The following PTPRG variants were observed in gnomAD, a reference collection of about 807,000 sequenced individuals.
PTPRG encodes protein tyrosine phosphatase receptor type G.
A neutral mutation model predicts 165.3 loss-of-function variants in PTPRG; 102 were observed. The ratio of observed to expected loss-of-function variants is 0.62; its 90% CI spans 0.53 to 0.73. The LOEUF (loss-of-function observed/expected upper bound fraction) is 0.73, where lower values mean the gene tolerates loss of function less well. Among genes scored for constraint, PTPRG ranks in the 30% least tolerant of loss-of-function variants. The pLI, the probability that PTPRG is intolerant of heterozygous loss-of-function variation, is 0.00. For synonymous variants in PTPRG, 675 were observed against 669.5 expected (o/e 1.01, Z -0.13); for missense variants, 1,866 against 1,861.4 (o/e 1.00, Z -0.05).
intron 1 of PTPRG, among the ~76,000 whole-genome samples, chr3:61,680,296 G>C (rs1375303585): frequency 6.6e-6 from 1 of 152,064 alleles, no homozygotes; most frequent in African/African-American, 2.4e-5. Flanking sequence ...GGAAAGTAGA[G>C]TGAGGGAAGC....
At chr3:62,064,676 A>G (rs555987849) in intron 4 of PTPRG, among the ~76,000 whole-genome samples, 47 of 151,330 alleles carry the variant, frequency 3.1e-4, no homozygotes, top group African/African-American at 1.0e-3. Context: ...ACAGGAAATC[A>G]TTAGAAAAAA....
At chr3:62,040,696 C>A (rs998829242) in intron 4 of PTPRG, among the ~76,000 whole-genome samples, 1 of 152,052 alleles carries the variant, frequency 6.6e-6, no homozygotes, top group African/African-American at 2.4e-5. Flanking sequence ...TCCGCCTTGG[C>A]CTTCCAGAGT....
intron 2 of PTPRG, among the ~76,000 whole-genome samples, chr3:61,948,036 A>T (rs895222133): frequency 6.6e-6 from 1 of 151,908 alleles, no homozygotes; most frequent in African/African-American, 2.4e-5. Context: ...CAAGAAGGAA[A>T]CTCTAAGGCC....
At chr3:61,832,349 C>T (rs774166995) in intron 2 of PTPRG, among the ~76,000 whole-genome samples, 1 of 152,122 alleles carries the variant, frequency 6.6e-6, no homozygotes, top group Non-Finnish European at 1.5e-5. Context: ...AAACCCCTTC[C>T]CTGGACTAAG....
chr3:61,924,178 T>C (rs1042258251), intron 2 of PTPRG, among the ~76,000 whole-genome samples: 1 of 152,194 alleles, frequency 6.6e-6, no homozygotes, highest in Non-Finnish European at 1.5e-5. Flanking sequence ...CTCTGTGCCA[T>C]GGCTCCAGTT....
At chr3:61,892,301 A>G (rs2038236698) in intron 2 of PTPRG, among the ~76,000 whole-genome samples, 1 of 152,178 alleles carries the variant, frequency 6.6e-6, no homozygotes, top group Non-Finnish European at 1.5e-5. Flanking sequence ...ATCCTGGCCT[A>G]CTGTAGCCTC....
intron 1 of PTPRG, among the ~76,000 whole-genome samples, chr3:61,659,023 G>C (rs868280739): frequency 1.3e-5 from 2 of 151,056 alleles, no homozygotes; most frequent in South Asian, 2.1e-4. Context: ...AGGAGCATGA[G>C]TTCGGCTGTT....
At chr3:61,800,177 G>A (rs1008181961) in intron 2 of PTPRG, among the ~76,000 whole-genome samples, 1 of 152,180 alleles carries the variant, frequency 6.6e-6, no homozygotes, top group African/African-American at 2.4e-5. Context: ...TGTGGGGTGG[G>A]AGGGTAGGAT....
chr3:61,707,534 C>T (rs1232686094), intron 1 of PTPRG, among the ~76,000 whole-genome samples: 1 of 152,178 alleles, frequency 6.6e-6, no homozygotes, highest in Non-Finnish European at 1.5e-5. Flanking sequence ...GGAGGAATTA[C>T]CTCTTGTTAG....
chr3:62,130,742 A>G (rs1321357854), intron 5 of PTPRG, among the ~76,000 whole-genome samples: 2 of 152,142 alleles, frequency 1.3e-5, no homozygotes, highest in East Asian at 1.9e-4. Context: ...ATTTTGATCA[A>G]TTACTTGCTA....
intron 8 of PTPRG, among the ~76,000 whole-genome samples, chr3:62,189,140 C>T (rs1295641349): frequency 1.3e-5 from 2 of 152,104 alleles, no homozygotes; most frequent in African/African-American, 4.8e-5. Context: ...AGCGTGATGC[C>T]TCCCAGGGGT....
At chr3:61,575,421 T>G (rs1308526191) in intron 1 of PTPRG, among the ~76,000 whole-genome samples, 1 of 152,156 alleles carries the variant, frequency 6.6e-6, no homozygotes, top group African/African-American at 2.4e-5. Flanking sequence ...TGCATTTTTT[T>G]GCAGGTACCA....
chr3:61,844,836 C>T (rs957281733), intron 2 of PTPRG, among the ~76,000 whole-genome samples: 1 of 152,052 alleles, frequency 6.6e-6, no homozygotes, highest in Non-Finnish European at 1.5e-5. Flanking sequence ...ATCTGGCAAC[C>T]CTAGTTTCTA....
At chr3:61,903,115 A>C (rs528547065) in intron 2 of PTPRG, among the ~76,000 whole-genome samples, 2 of 152,206 alleles carry the variant, frequency 1.3e-5, no homozygotes, top group South Asian at 4.2e-4. Flanking sequence ...TGCCTCAAAC[A>C]AACCATGCTC....
At chr3:62,120,414 G>C (rs913431063) in intron 5 of PTPRG, among the ~76,000 whole-genome samples, 1 of 152,228 alleles carries the variant, frequency 6.6e-6, no homozygotes, top group Non-Finnish European at 1.5e-5. Context: ...TAGGTTTGGG[G>C]ATTTAGTCTG....
chr3:62,048,771 CTG>C (rs978520906), intron 4 of PTPRG, among the ~76,000 whole-genome samples: 2 of 152,146 alleles, frequency 1.3e-5, no homozygotes, highest in African/African-American at 4.8e-5. Flanking sequence ...TACATAATTG[CTG>C]TGTCATCACA....
intron 2 of PTPRG, among the ~76,000 whole-genome samples, chr3:61,889,396 G>A (rs560953344): frequency 3.3e-5 from 5 of 152,256 alleles, no homozygotes; most frequent in Non-Finnish European, 5.9e-5. Flanking sequence ...CAGATTTGGC[G>A]AGTGTGCTCT....
At chr3:62,102,287 C>A (rs1213018072) in intron 5 of PTPRG, among the ~76,000 whole-genome samples, 1 of 151,936 alleles carries the variant, frequency 6.6e-6, no homozygotes, top group East Asian at 1.9e-4. Flanking sequence ...TCTTTTCTTT[C>A]TTTTCTTGAT....
chr3:61,936,076 G>A (rs541665022), intron 2 of PTPRG, among the ~76,000 whole-genome samples: 1 of 152,300 alleles, frequency 6.6e-6, no homozygotes, highest in South Asian at 2.1e-4. Flanking sequence ...TGAGGAAACA[G>A]CGTTCCTCTT....
Sources: gnomAD v4.1 joint callset for allele counts (sites outside exome capture counted in the v4.1 genomes callset) on GRCh38, gnomAD v4.1.1 for gene constraint, MANE v1.5 for transcripts, NCBI Gene and HGNC (gene_info 2026-07-23, HGNC 2026-07-21) for gene names.